Variants in PPP1R10 observed in about 807,000 individuals in gnomAD.
PPP1R10 encodes serine/threonine-protein phosphatase 1 regulatory subunit 10.
In PPP1R10, 15 loss-of-function variants were observed where a neutral mutation model predicts 99.0. The observed-to-expected ratio is 0.15, with a 90% CI of 0.10 to 0.23. PPP1R10 has a LOEUF of 0.23. Among genes scored for constraint, PPP1R10 ranks in the 10% least tolerant of loss-of-function variants. The pLI is 1.00. For missense variants in PPP1R10, 947 were observed against 1,259.4 expected (o/e 0.75, Z 3.75); for synonymous variants, 430 against 449.5 (o/e 0.96, Z 0.55).
chr6:30,608,089 A>G (rs1442730046), intron 5 of PPP1R10, among the ~76,000 whole-genome samples, 198 bp from the exon 6 acceptor site: 3 of 151,628 alleles, frequency 2.0e-5, no homozygotes, highest in African/African-American at 7.3e-5. Flanking sequence ...CCCAGGCTCA[A>G]ATGATTCTCC....
Position 30,601,523 on chromosome 6 carries a change from G to A in PPP1R10, c.*26C>T, listed in dbSNP as rs1159795297. ...AGCGAGGCTGCAGTCCACAGGGGTT[G>A]TGTGAACAGGGCAGGCAAATGGTCC... On this transcript the variant is annotated 3_prime_UTR_variant, in exon 20 of 20. Transcript: ENST00000376511. 6.3e-7 allele frequency: 1 copy of A among 1,585,254 alleles called. No homozygotes were observed. Among genetic ancestry groups the A allele is most frequent in the East Asian group, 2.2e-5 (1 of 44,734 alleles).
At chr6:30,615,903 T>C (rs1036326193) in intron 2 of PPP1R10, among the ~76,000 whole-genome samples, 2 of 152,184 alleles carry the variant, frequency 1.3e-5, no homozygotes, top group African/African-American at 4.8e-5. Context: ...CCCAAGCAAA[T>C]TACATTAAAA....
rs776375912 is a variant in PPP1R10 at position 30,606,625 on chromosome 6, TTTC to T, written c.474_476del (p.Lys159del). ...TTCGACTTTTTCCTTCATCTTTACGTTTCTTCTTATCTTTCTCTGTTGTGAAAA... is the reference window on the plus strand; with the variant it reads ...TTCGACTTTTTCCTTCATCTTTACGTTTCTTATCTTTCTCTGTTGTGAAAA... On this transcript the variant is annotated inframe_deletion, in exon 8 of 20. Coordinates refer to ENST00000376511, the MANE Select transcript of PPP1R10 (RefSeq NM_002714.4). This position sits in a 1 kb window ranked among gnomAD's most constrained non-coding sequence, Gnocchi z 6.3. 3.7e-6 allele frequency: 6 copies of T among 1,614,086 alleles called. No individual in the cohort carries two copies. In the African/African-American group the frequency reaches 5.3e-5, roughly 14 times the overall value.
chr6:30,616,256 T>C (rs1485440738), intron 2 of PPP1R10, among the ~76,000 whole-genome samples: 1 of 152,182 alleles, frequency 6.6e-6, no homozygotes, highest in African/African-American at 2.4e-5. Flanking sequence ...CACCCTCTCT[T>C]TGCCTGCAGC....
rs527535815 is a variant in PPP1R10 at position 30,604,515 on chromosome 6, G to A, written c.1103-4C>T. 249 of 1,613,000 alleles carry A rather than the reference G, an allele frequency of 1.5e-4. 2 individuals carry two copies. The South Asian group carries it at 2.7e-3, about 17-fold the overall frequency. Reference sequence around the variant, plus strand: ...AGAGCTCCTGGCTCCAAAGAGGCTGGAAGCAGAAGAGGTTTCAGACCCAGA... The same window carrying A: ...AGAGCTCCTGGCTCCAAAGAGGCTGAAAGCAGAAGAGGTTTCAGACCCAGA... On this transcript the variant is annotated splice_polypyrimidine_tract_variant and splice_region_variant and intron_variant, in intron 12 of 19. Transcript: ENST00000376511. The surrounding 1 kb of genome is among the most constrained non-coding windows in gnomAD (Gnocchi z 7.3).
chr6:30,604,913 G>T lies in PPP1R10; in HGVS notation c.954+81C>A. Reference sequence around the variant, plus strand: ...CAAAACGCCTCTTGTTGTCCTCCCCGACAACTCCTAGCTGCTGTGCCCTTT... The same window carrying T: ...CAAAACGCCTCTTGTTGTCCTCCCCTACAACTCCTAGCTGCTGTGCCCTTT... On this transcript the variant is annotated intron_variant, in intron 11 of 19. Coordinates refer to ENST00000376511, the MANE Select transcript of PPP1R10 (RefSeq NM_002714.4). The surrounding 1 kb of genome is among the most constrained non-coding windows in gnomAD (Gnocchi z 7.3). 2 of 1,533,676 alleles carry T rather than the reference G, an allele frequency of 1.3e-6. No individual in the cohort carries two copies. The highest frequency in any genetic ancestry group is 1.1e-5 in the South Asian group (1 of 89,196).
In PPP1R10 at chr6:30,605,990, T is replaced by C. The variant is rs759483397; in HGVS notation, c.786A>G (p.Lys262=). ...PGDATPPAEK[K]YKPLNTTPNA... is the part of the protein sequence containing the mutation. Reference sequence around the variant, plus strand: ...TAGGTGTTGTGTTGAGTGGCTTGTATTTCTTCTCTGCAGGGGGAGTGGCAT... The same window carrying C: ...TAGGTGTTGTGTTGAGTGGCTTGTACTTCTTCTCTGCAGGGGGAGTGGCAT... The change falls in exon 10 of 20, where the codon AAA becomes AAG. Residue 262 remains lysine (K), a synonymous_variant. Coordinates refer to ENST00000376511, the MANE Select transcript of PPP1R10 (RefSeq NM_002714.4). 4 of 1,614,120 alleles carry C rather than the reference T, an allele frequency of 2.5e-6. No homozygotes were observed. In the Admixed American group the frequency reaches 6.7e-5, roughly 27 times the overall value.
rs1195141854 is a variant in PPP1R10, at chr6:30,606,836, C to T, written c.403G>A (p.Val135Ile). Residue 135 changes from valine to isoleucine, a missense_variant, in exon 7 of 20, where the codon GTC (valine) becomes ATC (isoleucine). By Grantham distance (29) the Val-to-Ile change is conservative (BLOSUM62 3). Coordinates refer to ENST00000376511, the MANE Select transcript of PPP1R10 (RefSeq NM_002714.4). This position sits in a 1 kb window ranked among gnomAD's most constrained non-coding sequence, Gnocchi z 6.3. ...ACAGCCATCCAGTCGCTGACAAGGA[C>T]TGAGGCCAATTTCCGGAGCTCTGCA... Reference protein sequence around the residue: ...EDEELRKLASVLVSDWMAVIR... With the variant: ...EDEELRKLASILVSDWMAVIR... 6.2e-7 allele frequency: 1 copy of T among 1,613,988 alleles called. No individual in the cohort carries two copies. Among genetic ancestry groups the T allele is most frequent in the Non-Finnish European group, 8.5e-7 (1 of 1,179,974 alleles).
chr6:30,602,212 GGCCACTGCCACCACTGAT>G lies in PPP1R10; in HGVS notation c.2419_2436del (p.Ile807_Gly812del), dbSNP rs778964496. ...CCGCCAGGGCCTTCATGGGGACGATGGCCACTGCCACCACTGATGCCACCGCCAGGGCCTTCGTGGGGA... is the reference window on the plus strand; with the variant it reads ...CCGCCAGGGCCTTCATGGGGACGATGGCCACCGCCAGGGCCTTCGTGGGGA... On this transcript the variant is annotated inframe_deletion, in exon 19 of 20. Transcript: ENST00000376511. This position sits in a 1 kb window ranked among gnomAD's most constrained non-coding sequence, Gnocchi z 6.7. The G allele has an allele frequency of 6.2e-6, 10 of 1,611,884 alleles. No homozygotes were observed. The highest frequency in any genetic ancestry group is 5.9e-6 in the Non-Finnish European group (7 of 1,179,386).
rs1406289046 is a variant in PPP1R10, at chr6:30,616,645, C to G, written c.-179G>C. On this transcript the variant is annotated 5_prime_UTR_variant, in exon 2 of 20. Coordinates refer to ENST00000376511, the MANE Select transcript of PPP1R10 (RefSeq NM_002714.4). ...ATAAAGGCCAACTCAGTATTCATTT[C>G]CCCCCCACCCAACTCCATTTAGGGA... 2 of 151,980 alleles carry G rather than the reference C, an allele frequency of 1.3e-5. No individual in the cohort carries two copies. The highest frequency in any genetic ancestry group is 2.9e-5 in the Non-Finnish European group (2 of 67,950). The allele number at this position is 151,980 out of a possible 1,614,324, so 9.4% of individuals were successfully genotyped here.
rs200122275 is a variant in PPP1R10, at chr6:30,602,476, C to T, written c.2173G>A (p.Ala725Thr). The T allele has an allele frequency of 3.6e-5, 57 of 1,588,642 alleles. No homozygotes were observed. The highest frequency in any genetic ancestry group is 5.2e-5 in the Admixed American group (3 of 57,960). The change falls in exon 19 of 20, where the codon GCC becomes ACC. Residue 725 changes from alanine (A) to threonine (T), a missense_variant. Ala to Thr is a moderately conservative substitution (Grantham distance 58). Coordinates refer to ENST00000376511, the MANE Select transcript of PPP1R10 (RefSeq NM_002714.4). The surrounding 1 kb of genome is among the most constrained non-coding windows in gnomAD (Gnocchi z 6.7). ...PPPPPPPFRG[A>T]RGGRSGGGPP... The stretch of plus-strand genomic sequence containing the variant: ...CCTCCTCCAGAGCGACCTCCTCTGG[C>T]GCCTCGGAATGGAGGAGGAGGAGGA...
intron 2 of PPP1R10, among the ~76,000 whole-genome samples, chr6:30,615,111 G>C (rs1329798998): frequency 1.3e-5 from 2 of 151,936 alleles, no homozygotes; most frequent in Non-Finnish European, 2.9e-5. Flanking sequence ...ATGGCAAAAG[G>C]GGGAGAAAAA....
intron 2 of PPP1R10, among the ~76,000 whole-genome samples, chr6:30,615,405 C>T (rs1340934277): frequency 6.6e-6 from 1 of 152,080 alleles, no homozygotes; most frequent in Non-Finnish European, 1.5e-5. Flanking sequence ...ATCGACCACC[C>T]CCATCCTCCC....
In PPP1R10 at chr6:30,609,776, G is replaced by A. The variant is rs1804357284; in HGVS notation, c.107+62C>T. 8.4e-6 allele frequency: 12 copies of A among 1,420,410 alleles called. No individual in the cohort carries two copies. Among genetic ancestry groups the A allele is most frequent in the Non-Finnish European group, 1.2e-5 (12 of 1,003,872 alleles). The allele number at this position is 1,420,410 out of a possible 1,614,324, so 88.0% of individuals were successfully genotyped here. On this transcript the variant is annotated intron_variant, in intron 3 of 19. Coordinates refer to ENST00000376511, the MANE Select transcript of PPP1R10 (RefSeq NM_002714.4). This position sits in a 1 kb window ranked among gnomAD's most constrained non-coding sequence, Gnocchi z 4.5. The stretch of plus-strand genomic sequence containing the variant: ...ATCATTCCAGTGTGCCTCAACTGCA[G>A]CCATGTTTTAACACACAATATTCTC...
intron 2 of PPP1R10, among the ~76,000 whole-genome samples, chr6:30,615,131 C>T (rs929544753): frequency 2.0e-5 from 3 of 150,732 alleles, no homozygotes; most frequent in Admixed American, 6.6e-5. Context: ...ACAACAAAGA[C>T]GGAGGGACGC....
chr6:30,606,491 C>G lies in PPP1R10; in HGVS notation c.611G>C (p.Ser204Thr), dbSNP rs1803961496. Residue 204 changes from serine to threonine, a missense_variant, in exon 8 of 20, where the codon AGT (serine) becomes ACT (threonine). By Grantham distance (58) the Ser-to-Thr change is moderately conservative (BLOSUM62 1). This residue lies in a region of PPP1R10 where 92 missense variants were observed against 159.2 expected (regional missense o/e 0.58). Coordinates refer to ENST00000376511, the MANE Select transcript of PPP1R10 (RefSeq NM_002714.4). This position sits in a 1 kb window ranked among gnomAD's most constrained non-coding sequence, Gnocchi z 6.3. Reference sequence around the variant, plus strand: ...ACCAGTGGAACGGAACTTGGCATGACTGGGTGCTGTGGTGCGAAGAGACTT... The same window carrying G: ...ACCAGTGGAACGGAACTTGGCATGAGTGGGTGCTGTGGTGCGAAGAGACTT... ...KPKSLRTTAPSHAKFRSTGLE... is the reference protein window; with the variant it reads ...KPKSLRTTAPTHAKFRSTGLE... 6.2e-7 allele frequency: 1 copy of G among 1,613,092 alleles called. No homozygotes were observed. The highest frequency in any genetic ancestry group is 1.3e-5 in the African/African-American group (1 of 74,902).
At chr6:30,613,815 G>A (rs1804795997) in intron 2 of PPP1R10, among the ~76,000 whole-genome samples, 1 of 152,164 alleles carries the variant, frequency 6.6e-6, no homozygotes, top group African/African-American at 2.4e-5. Flanking sequence ...AGAATGTTCA[G>A]CTCCCAAGGA....
chr6:30,603,745 A>G (rs966187319), intron 15 of PPP1R10, 35 bp downstream of exon 15: 4 of 1,544,894 alleles, frequency 2.6e-6, no homozygotes, highest in Admixed American at 2.0e-5. Flanking sequence ...TTCAATGACC[A>G]TCACAACTTC....
chr6:30,609,815 T>A lies in PPP1R10; in HGVS notation c.107+23A>T. 6 of 1,579,154 alleles carry A rather than the reference T, an allele frequency of 3.8e-6. No individual in the cohort carries two copies. The highest frequency in any genetic ancestry group is 5.2e-6 in the Non-Finnish European group (6 of 1,148,124). On this transcript the variant is annotated intron_variant, in intron 3 of 19. Coordinates refer to ENST00000376511, the MANE Select transcript of PPP1R10 (RefSeq NM_002714.4). This position sits in a 1 kb window ranked among gnomAD's most constrained non-coding sequence, Gnocchi z 4.5. ...CACAATATTCTCTACTCACAGTGAA[T>A]ACAAAAAGGGGTAAAGACTCACCTG... is the stretch of plus-strand genomic sequence containing the variant.
Sources: allele counts gnomAD v4.1 joint callset (sites outside exome capture counted in the v4.1 genomes callset), GRCh38; gene constraint gnomAD v4.1.1; regional missense constraint gnomAD v4.1.1; non-coding constraint Gnocchi (gnomAD v3.1); transcripts MANE v1.5; gene names NCBI Gene and HGNC (gene_info 2026-07-23, HGNC 2026-07-21).